Variants in PARD3 observed in about 807,000 individuals in gnomAD.
PARD3 encodes the protein partitioning defective 3 homolog.
PARD3 carries 75 observed loss-of-function variants against 155.4 expected under a neutral mutation model. The observed-to-expected ratio is 0.48, with a 90% CI of 0.40 to 0.58. The LOEUF (loss-of-function observed/expected upper bound fraction) is 0.58. PARD3 is among the 20% of genes least tolerant of loss of function. The probability of loss-of-function intolerance (pLI) is 0.00; values close to 1 mark genes in which losing one functional copy is unlikely to be tolerated. For synonymous variants in PARD3, 576 were observed against 610.5 expected (o/e 0.94, Z 0.83); for missense variants, 1,642 against 1,721.7 (o/e 0.95, Z 0.82).
At chr10:34,331,018 A>C (rs10740885) in intron 19 of PARD3, 99 bp downstream of exon 19, 413,241 of 789,880 alleles carry the variant, frequency 0.52, 112,035 homozygotes, top group African/African-American at 0.85. Flanking sequence ...CTCAGAGATT[A>C]CCCTGAAGAA....
intron 1 of PARD3, among the ~76,000 whole-genome samples, chr10:34,777,181 G>C (rs1390667415): frequency 2.0e-5 from 3 of 151,778 alleles, no homozygotes; most frequent in African/African-American, 7.3e-5. Flanking sequence ...TCCCTGCTTT[G>C]GAACCTTCGA....
chr10:34,492,760 T>C (rs2080001810), intron 3 of PARD3, among the ~76,000 whole-genome samples: 1 of 152,234 alleles, frequency 6.6e-6, no homozygotes, highest in Non-Finnish European at 1.5e-5. Context: ...GATATGTCAC[T>C]ATAATCTTGT....
intron 22 of PARD3, among the ~76,000 whole-genome samples, chr10:34,254,327 C>T (rs1222719649): frequency 1.3e-5 from 2 of 151,722 alleles, no homozygotes; most frequent in Admixed American, 6.6e-5. Context: ...TGCAGTGAGC[C>T]GAGATCGCAC....
At position 34,815,248 on chromosome 10, in the gene PARD3, A is replaced by G. The variant is rs1421516609; in HGVS notation, c.-253T>C. The G allele has an allele frequency of 6.6e-6, 1 of 150,790 alleles. No homozygotes were observed. The highest frequency in any genetic ancestry group is 1.4e-5 in the Non-Finnish European group (1 of 69,306). The allele number at this position is 150,790 out of a possible 1,614,324, so 9.3% of individuals were successfully genotyped here. A position where few individuals can be genotyped will look rare whatever the true frequency, so the allele number is the denominator to read the frequency against. On this transcript the variant is annotated 5_prime_UTR_variant, in exon 1 of 25. Transcript: ENST00000374788. ...GCCGCGGCGCCCGCAGCCTCCGGCCACCTGTTCGGCGTCGCGGCGCGCTCG... is the reference window on the plus strand; with the variant it reads ...GCCGCGGCGCCCGCAGCCTCCGGCCGCCTGTTCGGCGTCGCGGCGCGCTCG...
intron 1 of PARD3, among the ~76,000 whole-genome samples, chr10:34,768,726 C>G (rs1486183280): frequency 6.6e-6 from 1 of 152,218 alleles, no homozygotes; most frequent in Non-Finnish European, 1.5e-5. Context: ...ACTTACTTGG[C>G]TCTGGCCCAC....
intron 1 of PARD3, among the ~76,000 whole-genome samples, chr10:34,785,744 T>A (rs1055598143): frequency 2.6e-5 from 4 of 152,084 alleles, no homozygotes; most frequent in African/African-American, 9.7e-5. Flanking sequence ...CATGTGAAGG[T>A]CTTATAAGAC....
At chr10:34,447,612 C>T (rs906300049) in intron 5 of PARD3, among the ~76,000 whole-genome samples, 1 of 149,176 alleles carries the variant, frequency 6.7e-6, no homozygotes, top group African/African-American at 2.5e-5. Context: ...ACCACCTTGA[C>T]CAACATGATG....
At chr10:34,732,973 A>C (rs972543392) in intron 1 of PARD3, among the ~76,000 whole-genome samples, 1 of 152,130 alleles carries the variant, frequency 6.6e-6, no homozygotes, top group Non-Finnish European at 1.5e-5. Flanking sequence ...GAGCTCCTCT[A>C]TGAAGACTCC....
intron 3 of PARD3, among the ~76,000 whole-genome samples, chr10:34,472,728 C>T (rs1027572191): frequency 1.4e-4 from 21 of 152,148 alleles, no homozygotes; most frequent in Non-Finnish European, 5.9e-5. Flanking sequence ...GGACCAAAAG[C>T]AGTACCCAAT....
chr10:34,687,333 G>A (rs753977353), intron 2 of PARD3, among the ~76,000 whole-genome samples: 5 of 152,124 alleles, frequency 3.3e-5, no homozygotes, highest in African/African-American at 9.7e-5. Context: ...TCCTCAGCAC[G>A]TGGAGTTGTT....
At chr10:34,629,493 A>G (rs1380202588) in intron 2 of PARD3, among the ~76,000 whole-genome samples, 1 of 152,252 alleles carries the variant, frequency 6.6e-6, no homozygotes, top group African/African-American at 2.4e-5. Context: ...CAATGAATCC[A>G]GATTTGGGAA....
intron 24 of PARD3, 22 bp downstream of exon 24, chr10:34,119,591 G>T (rs1357879183): frequency 6.3e-7 from 1 of 1,579,420 alleles, no homozygotes; most frequent in Non-Finnish European, 8.7e-7. Flanking sequence ...GGATCTGGAG[G>T]CTCGGCCAAG....
intron 22 of PARD3, among the ~76,000 whole-genome samples, chr10:34,213,043 C>T (rs1423890462): frequency 6.6e-6 from 1 of 152,196 alleles, no homozygotes; most frequent in Non-Finnish European, 1.5e-5. Context: ...TGTTTTATCA[C>T]ATTATCTTAC....
At chr10:34,220,720 T>C (rs1228760133) in intron 22 of PARD3, among the ~76,000 whole-genome samples, 1 of 152,230 alleles carries the variant, frequency 6.6e-6, no homozygotes, top group African/African-American at 2.4e-5. Flanking sequence ...GAAGATTATG[T>C]GCACTTCTCA....
At position 34,718,149 on chromosome 10, in the gene PARD3, CAA is replaced by C. The variant is rs71033340; in HGVS notation, c.121-21732_121-21731del. Among the ~76,000 whole-genome samples, 706 of 82,682 alleles carry C rather than the reference CAA, an allele frequency of 8.5e-3. 5 individuals carry two copies. The highest frequency in any genetic ancestry group is 0.025 in the African/African-American group (579 of 23,092). 54.2% of individuals were successfully genotyped at this position (82,682 alleles called of 152,430 possible). A position where few individuals can be genotyped will look rare whatever the true frequency, so the allele number is the denominator to read the frequency against. On this transcript the variant is annotated intron_variant, in intron 1 of 24. Transcript: ENST00000374788. ...AGCCTGGGTAACAGAGACTCCATCT[CAA>C]AAAAAAAAAAAAAAAAAATCAATTT...
intron 10 of PARD3, 51 bp from the exon 11 acceptor site, chr10:34,375,053 A>AACACAC (rs35263377): frequency 0.048 from 37,537 of 778,418 alleles, 683 homozygotes; most frequent in African/African-American, 0.12. Context: ...ACAACAGGAA[A>AACACAC]ACACACACAC....
chr10:34,371,506 A>G (rs939521882), intron 12 of PARD3, among the ~76,000 whole-genome samples: 13 of 94,308 alleles, frequency 1.4e-4, no homozygotes, highest in African/African-American at 6.9e-4. Context: ...AAAAAAAAAA[A>G]AAAAAAAAAA....
At chr10:34,738,320 T>C (rs2094951499) in intron 1 of PARD3, among the ~76,000 whole-genome samples, 1 of 152,218 alleles carries the variant, frequency 6.6e-6, no homozygotes, top group Non-Finnish European at 1.5e-5. Context: ...ATCCATCTAC[T>C]CAGACAGGAA....
rs142301479 is a variant in PARD3 at position 34,208,415 on chromosome 10, G to C, written c.3419+61242C>G. 3.2e-4 allele frequency among the ~76,000 whole-genome samples: 48 copies of C among 152,280 alleles called. No individual in the cohort carries two copies. In the East Asian group the frequency reaches 8.5e-3, roughly 27 times the overall value. On this transcript the variant is annotated intron_variant, in intron 22 of 24. Coordinates refer to ENST00000374788, the MANE Select transcript of PARD3 (RefSeq NM_001184785.2). ...GTTCTATAAGAGAACAGCACTATTA[G>C]TGACTTCTCATCTAATGTTGCTAAC...
Sources: gnomAD v4.1 joint callset for allele counts (sites outside exome capture counted in the v4.1 genomes callset) on GRCh38, gnomAD v4.1.1 for gene constraint, MANE v1.5 for transcripts, NCBI Gene and HGNC (gene_info 2026-07-23, HGNC 2026-07-21) for gene names.